CCSER1: variants seen among roughly 807,000 people sequenced by gnomAD.
The protein encoded by CCSER1 is coiled-coil serine rich protein 1.
Under a neutral mutation model 82.0 loss-of-function variants are expected in CCSER1, and 41 were observed. The observed-to-expected ratio is 0.50, with a 90% confidence interval of 0.39 to 0.65. CCSER1 has a LOEUF of 0.65. CCSER1 is among the 30% of genes least tolerant of loss of function. The probability of loss-of-function intolerance (pLI) is 0.00; values close to 1 mark genes in which losing one functional copy is unlikely to be tolerated. For missense variants in CCSER1, 1,119 were observed against 1,064.2 expected, an observed-to-expected ratio of 1.05 and a Z score of -0.72; for synonymous variants, 414 against 383.9, an observed-to-expected ratio of 1.08 and a Z score of -0.92.
At chr4:91,174,668 T>G (rs1202536176) in intron 10 of CCSER1, among the ~76,000 whole-genome samples, 2 of 152,170 alleles carry the variant, frequency 1.3e-5, no homozygotes, top group African/African-American at 4.8e-5. Context: ...TTTAAAAAGA[T>G]TATCCAACTA....
intron 1 of CCSER1, among the ~76,000 whole-genome samples, chr4:90,267,869 G>T (rs1725519437): frequency 6.6e-6 from 1 of 152,092 alleles, no homozygotes; most frequent in South Asian, 2.1e-4. Context: ...ACCTTCCCAA[G>T]AAGGGTAAGT....
intron 10 of CCSER1, among the ~76,000 whole-genome samples, chr4:91,247,726 G>A (rs1023199192): frequency 6.6e-5 from 10 of 152,216 alleles, no homozygotes; most frequent in Non-Finnish European, 1.2e-4. Flanking sequence ...AAAATTAGCC[G>A]GGTGTGGTGG....
chr4:91,579,199 T>C (rs1382861365), intron 10 of CCSER1, among the ~76,000 whole-genome samples: 1 of 151,676 alleles, frequency 6.6e-6, no homozygotes, highest in Non-Finnish European at 1.5e-5. Context: ...GGTTTTGGAA[T>C]ACATATTTTT....
At chr4:91,086,035 C>T in intron 10 of CCSER1, 41 bp downstream of exon 10, 1 of 1,227,148 alleles carries the variant, frequency 8.1e-7, no homozygotes, top group Non-Finnish European at 1.2e-6. Context: ...AAAGAGGAAA[C>T]ATGGCTATGG....
rs529598188 is a variant in CCSER1 at position 90,769,668 on chromosome 4, C to T, written c.2010+45677C>T. ...AAACCAGTATCTACCAGTTTTCAGACGAAGAGGGATTATATTCAAGGATAT... is the reference window on the plus strand; with the variant it reads ...AAACCAGTATCTACCAGTTTTCAGATGAAGAGGGATTATATTCAAGGATAT... On this transcript the variant is annotated intron_variant, in intron 7 of 10. Coordinates refer to ENST00000509176, the MANE Select transcript of CCSER1 (RefSeq NM_001145065.2). 3.4e-4 allele frequency among the ~76,000 whole-genome samples: 52 copies of T among 152,148 alleles called. 1 individual carries two copies. The highest frequency in any genetic ancestry group is 9.7e-4 in the East Asian group (5 of 5,180).
chr4:91,437,151 T>A (rs912015160), intron 10 of CCSER1, among the ~76,000 whole-genome samples: 1 of 152,172 alleles, frequency 6.6e-6, no homozygotes, highest in Non-Finnish European at 1.5e-5. Context: ...AAGGAAAATA[T>A]GAGAAATAAA....
At chr4:90,160,101 G>A (rs1022537115) in intron 1 of CCSER1, among the ~76,000 whole-genome samples, 2 of 152,148 alleles carry the variant, frequency 1.3e-5, no homozygotes, top group Non-Finnish European at 2.9e-5. Context: ...ACAGCTTGTT[G>A]GGGGCAGAGC....
chr4:90,578,594 T>C (rs1560751926), intron 5 of CCSER1, among the ~76,000 whole-genome samples: 1 of 152,190 alleles, frequency 6.6e-6, no homozygotes, highest in South Asian at 2.1e-4. Context: ...TGTGATTACA[T>C]TGGACCTCTC....
intron 10 of CCSER1, among the ~76,000 whole-genome samples, chr4:91,261,913 A>G (rs1581863023): frequency 6.6e-6 from 1 of 152,298 alleles, no homozygotes; most frequent in South Asian, 2.1e-4. Context: ...TCTCCTGAGT[A>G]ATCTAGTAGT....
intron 5 of CCSER1, among the ~76,000 whole-genome samples, chr4:90,492,620 A>G (rs1337163770): frequency 6.6e-6 from 1 of 152,108 alleles, no homozygotes; most frequent in Non-Finnish European, 1.5e-5. Context: ...TAGGGTGTCA[A>G]TTTTAGATCT....
chr4:90,797,444 G>T (rs1053403354), intron 7 of CCSER1, among the ~76,000 whole-genome samples: 1 of 152,002 alleles, frequency 6.6e-6, no homozygotes, highest in Non-Finnish European at 1.5e-5. Context: ...CTTGCCACTC[G>T]GTGCCTTTTA....
chr4:90,568,576 C>T (rs1311452497), intron 5 of CCSER1, among the ~76,000 whole-genome samples: 2 of 152,072 alleles, frequency 1.3e-5, no homozygotes, highest in Non-Finnish European at 2.9e-5. Context: ...TCTCTTTAGG[C>T]AGCATATAGA....
intron 1 of CCSER1, among the ~76,000 whole-genome samples, chr4:90,222,275 A>G (rs575218112): frequency 1.3e-5 from 2 of 152,308 alleles, no homozygotes; most frequent in Admixed American, 1.3e-4. Context: ...TAAAATAATT[A>G]TAATTTAAAA....
chr4:90,525,985 T>C (rs1773711133), intron 5 of CCSER1, among the ~76,000 whole-genome samples: 1 of 152,160 alleles, frequency 6.6e-6, no homozygotes. Flanking sequence ...TACATAGCAA[T>C]GTGTTTTAGT....
At chr4:91,149,272 A>T (rs948153176) in intron 10 of CCSER1, among the ~76,000 whole-genome samples, 1 of 152,182 alleles carries the variant, frequency 6.6e-6, no homozygotes, top group African/African-American at 2.4e-5. Context: ...TGGCTGCATA[A>T]ATGTCTTCTT....
At chr4:90,549,838 T>C (rs1777234802) in intron 5 of CCSER1, among the ~76,000 whole-genome samples, 1 of 149,980 alleles carries the variant, frequency 6.7e-6, no homozygotes, top group Admixed American at 6.6e-5. Context: ...CTAGATAAGA[T>C]GTAAAAATGC....
Position 91,105,972 on chromosome 4 carries a change from G to C in CCSER1, c.2217+19978G>C, listed in dbSNP as rs538903359. Among the ~76,000 whole-genome samples, 20 of 151,936 alleles carry C rather than the reference G, an allele frequency of 1.3e-4. No homozygotes were observed. In the South Asian group the frequency reaches 4.2e-3, roughly 32 times the overall value. ...AGCCTGCTGCTCCAAACCTTACTGG[G>C]GATATTTTTAAAATGTGGTAAATGC... On this transcript the variant is annotated intron_variant, in intron 10 of 10. Coordinates refer to ENST00000509176, the MANE Select transcript of CCSER1 (RefSeq NM_001145065.2).
chr4:90,239,886 C>T (rs1028452939), intron 1 of CCSER1, among the ~76,000 whole-genome samples: 2 of 152,078 alleles, frequency 1.3e-5, no homozygotes, highest in African/African-American at 4.8e-5. Context: ...ATCAACTAGT[C>T]CACTTTGAAG....
chr4:90,233,074 C>T (rs1264929214), intron 1 of CCSER1, among the ~76,000 whole-genome samples: 1 of 151,984 alleles, frequency 6.6e-6, no homozygotes, highest in Non-Finnish European at 1.5e-5. Context: ...GGCGATTCCT[C>T]AGGGATCTAG....
Sources: gnomAD v4.1 joint callset for allele counts (sites outside exome capture counted in the v4.1 genomes callset) on GRCh38, gnomAD v4.1.1 for gene constraint, MANE v1.5 for transcripts, NCBI Gene and HGNC (gene_info 2026-07-23, HGNC 2026-07-21) for gene names.